XXYLT1: variants seen among roughly 807,000 people sequenced by gnomAD.
XXYLT1 encodes the protein xyloside xylosyltransferase 1.
Under a neutral mutation model 28.9 loss-of-function variants are expected in XXYLT1, and 20 were observed. The observed-to-expected ratio is 0.69, with a 90% CI of 0.49 to 1.00. The LOEUF is 1.00. XXYLT1 is among the 50% of genes least tolerant of loss of function. The probability of loss-of-function intolerance (pLI) is 0.00; values close to 1 mark genes in which losing one functional copy is unlikely to be tolerated. For missense variants in XXYLT1, 542 were observed against 560.1 expected, an observed-to-expected ratio of 0.97 and a Z score of 0.33; for synonymous variants, 257 against 253.8, an observed-to-expected ratio of 1.01 and a Z score of -0.12.
At chr3:195,089,877 C>G (rs1395973985) in intron 3 of XXYLT1, among the ~76,000 whole-genome samples, 12 of 152,108 alleles carry the variant, frequency 7.9e-5, no homozygotes, top group Non-Finnish European at 1.8e-4. Context: ...GGTTGCAATC[C>G]TAGTCTCTGA....
chr3:195,193,500 C>A (rs75565521), intron 2 of XXYLT1, among the ~76,000 whole-genome samples: 3,649 of 152,190 alleles, frequency 0.024, 131 homozygotes, highest in African/African-American at 0.084. Context: ...AAATTACTAT[C>A]AAAATCCCAG....
intron 3 of XXYLT1, among the ~76,000 whole-genome samples, chr3:195,138,681 C>A (rs1719321700): frequency 6.6e-6 from 1 of 151,788 alleles, no homozygotes; most frequent in Non-Finnish European, 1.5e-5. Flanking sequence ...ATGGTGAAAC[C>A]CCGTCTCTAC....
chr3:195,156,679 G>A, intron 2 of XXYLT1, 98 bp from the exon 3 acceptor site: 2 of 1,471,934 alleles, frequency 1.4e-6, no homozygotes, highest in Non-Finnish European at 1.8e-6. Flanking sequence ...AAAGGGCACT[G>A]GACTCTTACT....
At chr3:195,166,002 AG>A (rs1326489430) in intron 2 of XXYLT1, among the ~76,000 whole-genome samples, 2 of 152,110 alleles carry the variant, frequency 1.3e-5, no homozygotes, top group Non-Finnish European at 2.9e-5. Context: ...GGTTGAGAGG[AG>A]CCCCTCCTGT....
Position 195,115,703 on chromosome 3 carries a change from G to A in XXYLT1, c.785+40746C>T, listed in dbSNP as rs926609602. Among the ~76,000 whole-genome samples the A allele has an allele frequency of 9.2e-5, 14 of 152,318 alleles. No homozygotes were observed. In the East Asian group the frequency reaches 1.7e-3, roughly 19 times the overall value. ...CTGGCTCCGGCAGCACACCGTGTGC[G>A]CTCTCACCTTTGAGCTGAGGTGTTC... On this transcript the variant is annotated intron_variant, in intron 3 of 3. Transcript: ENST00000310380. This position sits in a 1 kb window ranked among gnomAD's most constrained non-coding sequence, Gnocchi z 4.2.
chr3:195,191,552 C>A (rs1722418726), intron 2 of XXYLT1, among the ~76,000 whole-genome samples: 1 of 152,174 alleles, frequency 6.6e-6, no homozygotes, highest in South Asian at 2.1e-4. Flanking sequence ...TGGGGGAAGT[C>A]CAAAGTTATG....
intron 3 of XXYLT1, among the ~76,000 whole-genome samples, chr3:195,149,989 G>C (rs1449972450): frequency 6.6e-6 from 1 of 152,154 alleles, no homozygotes; most frequent in Non-Finnish European, 1.5e-5. Flanking sequence ...TTCTAGGAAA[G>C]GGGTTAAGAT....
intron 2 of XXYLT1, among the ~76,000 whole-genome samples, chr3:195,170,871 C>T (rs1053685950): frequency 1.4e-4 from 21 of 150,886 alleles, no homozygotes; most frequent in Non-Finnish European, 2.4e-4. Context: ...AGTGAAACTC[C>T]GTCTTAACCA....
chr3:195,264,038 A>C (rs1414062778), intron 1 of XXYLT1, among the ~76,000 whole-genome samples: 1 of 152,110 alleles, frequency 6.6e-6, no homozygotes, highest in Non-Finnish European at 1.5e-5. Context: ...CTCCTTGCAC[A>C]CTAACTCCTC....
rs1401837398 is a variant in XXYLT1 at position 195,270,729 on chromosome 3, G to T, written c.330C>A (p.His110Gln). The change falls in exon 1 of 4, where the codon CAC becomes CAA. Residue 110 changes from histidine to glutamine, a missense_variant. Transcript: ENST00000310380. ...GGGCCTTGGCCTGCAGCGCGGCATT[G>T]TGCTCCGCCTTGGTGAACATCATCA... ...HLLMMFTKAE[H>Q]NAALQAKARV... The T allele has an allele frequency of 1.3e-6, 2 of 1,590,794 alleles. No homozygotes were observed. The highest frequency in any genetic ancestry group is 1.7e-6 in the Non-Finnish European group (2 of 1,172,620).
In XXYLT1 at chr3:195,133,141, G is replaced by A. The variant is rs560046456; in HGVS notation, c.785+23308C>T. 3.9e-4 allele frequency among the ~76,000 whole-genome samples: 59 copies of A among 152,328 alleles called. 1 individual carries two copies. The South Asian group carries it at 0.012, about 30-fold the overall frequency. ...GGACCTGACAGAAGGAGGGTGGCAA[G>A]AGAAGGAATCAGGCAGATTAAGGGG... On this transcript the variant is annotated intron_variant, in intron 3 of 3. Coordinates refer to ENST00000310380, the MANE Select transcript of XXYLT1 (RefSeq NM_152531.5). This position sits in a 1 kb window ranked among gnomAD's most constrained non-coding sequence, Gnocchi z 4.4.
intron 2 of XXYLT1, among the ~76,000 whole-genome samples, chr3:195,202,133 T>C (rs911206914): frequency 3.9e-5 from 6 of 152,136 alleles, no homozygotes; most frequent in Admixed American, 1.3e-4. Flanking sequence ...GCCGAGATCG[T>C]GCCACTGCAC....
chr3:195,113,272 G>A (rs796166791), intron 3 of XXYLT1, among the ~76,000 whole-genome samples: 13 of 152,174 alleles, frequency 8.5e-5, no homozygotes, highest in Non-Finnish European at 1.9e-4. Context: ...AACATCTGGC[G>A]GGAGCTCGGA....
rs1184042375 is a variant in XXYLT1, at chr3:195,076,479, AT to A, written c.786-6369del. On this transcript the variant is annotated intron_variant, in intron 3 of 3. Transcript: ENST00000310380. The surrounding 1 kb of genome is among the most constrained non-coding windows in gnomAD (Gnocchi z 5.3). ...GGGGTGGCTACTAGACAAGCCAAGC[AT>A]TCTGGAGAGTTGCCCCTGTTACAGC... Among the ~76,000 whole-genome samples the A allele has an allele frequency of 6.6e-6, 1 of 152,162 alleles. No individual in the cohort carries two copies. The highest frequency in any genetic ancestry group is 2.1e-4 in the South Asian group (1 of 4,828).
At position 195,184,312 on chromosome 3, in the gene XXYLT1, A is replaced by T. The variant is rs552136424; in HGVS notation, c.653-27731T>A. ...TTTTCACATAACTTTCCAAAATGCT[A>T]AATGTGACTGGCTTTTAGCCCAATA... On this transcript the variant is annotated intron_variant, in intron 2 of 3. Transcript: ENST00000310380. Among the ~76,000 whole-genome samples, 4 of 152,320 alleles carry T rather than the reference A, an allele frequency of 2.6e-5. No homozygotes were observed. The South Asian group carries it at 8.3e-4, about 32-fold the overall frequency.
In XXYLT1 at chr3:195,124,155, C is replaced by T. The variant is rs1015185560; in HGVS notation, c.785+32294G>A. 4.6e-5 allele frequency among the ~76,000 whole-genome samples: 7 copies of T among 152,240 alleles called. No individual in the cohort carries two copies. The East Asian group carries it at 1.3e-3, about 29-fold the overall frequency. ...TGGGATTGGTGTTCCATGGAACTCA[C>T]CTCGAGAAGTGTGGGTCTAGACCAC... On this transcript the variant is annotated intron_variant, in intron 3 of 3. Coordinates refer to ENST00000310380, the MANE Select transcript of XXYLT1 (RefSeq NM_152531.5). This position sits in a 1 kb window ranked among gnomAD's most constrained non-coding sequence, Gnocchi z 4.1.
intron 3 of XXYLT1, among the ~76,000 whole-genome samples, chr3:195,106,605 G>A (rs1717106226): frequency 1.3e-5 from 2 of 152,230 alleles, no homozygotes; most frequent in African/African-American, 2.4e-5. Context: ...CCCTGCCGGC[G>A]AGGCGCGGAA....
Position 195,271,157 on chromosome 3 carries a change from C to T in XXYLT1, c.-99G>A. The T allele has an allele frequency of 8.1e-7, 1 of 1,241,486 alleles. No individual in the cohort carries two copies. Among genetic ancestry groups the T allele is most frequent in the Non-Finnish European group, 1.0e-6 (1 of 989,558 alleles). 76.9% of individuals were successfully genotyped at this position (1,241,486 alleles called of 1,614,324 possible). ...CTTAGCCCCGGCGCCAGGCGGCGGCCATGAAAGGGGCGGGGCCGCGCCGCC... is the reference window on the plus strand; with the variant it reads ...CTTAGCCCCGGCGCCAGGCGGCGGCTATGAAAGGGGCGGGGCCGCGCCGCC... On this transcript the variant is annotated 5_prime_UTR_variant, in exon 1 of 4. It removes an upstream start codon present in the reference 5' UTR. Coordinates refer to ENST00000310380, the MANE Select transcript of XXYLT1 (RefSeq NM_152531.5).
chr3:195,090,889 C>T (rs1716093255), intron 3 of XXYLT1, among the ~76,000 whole-genome samples: 1 of 151,656 alleles, frequency 6.6e-6, no homozygotes, highest in African/African-American at 2.4e-5. Flanking sequence ...TCAGAGAATA[C>T]TACAAACACC....
Sources: gnomAD v4.1 joint callset for allele counts (sites outside exome capture counted in the v4.1 genomes callset) on GRCh38, gnomAD v4.1.1 for gene constraint, Gnocchi (gnomAD v3.1) non-coding constraint, MANE v1.5 for transcripts, NCBI Gene and HGNC (gene_info 2026-07-23, HGNC 2026-07-21) for gene names.